LGR5: variants seen among roughly 807,000 people sequenced by gnomAD.
The protein encoded by LGR5 is leucine rich repeat containing G protein-coupled receptor 5, also known as leucine-rich repeat-containing G protein-coupled receptor 5.
A neutral mutation model predicts 76.7 loss-of-function variants in LGR5; 54 were observed. The observed-to-expected ratio is 0.70, with a 90% confidence interval of 0.57 to 0.88. LGR5 has a LOEUF of 0.88. Ranked by LOEUF, LGR5 falls within the 40% of genes least tolerant of loss-of-function variation. The probability of loss-of-function intolerance (pLI) is 0.00; values close to 1 mark genes in which losing one functional copy is unlikely to be tolerated. For synonymous variants in LGR5, 406 were observed against 421.9 expected, an observed-to-expected ratio of 0.96 and a Z score of 0.46; for missense variants, 1,078 against 1,073.3, an observed-to-expected ratio of 1.00 and a Z score of -0.06.
At chr12:71,542,910 T>G (rs1057324431) in intron 4 of LGR5, among the ~76,000 whole-genome samples, 1 of 152,112 alleles carries the variant, frequency 6.6e-6, no homozygotes, top group Admixed American at 6.5e-5. Flanking sequence ...TCCCCAACCA[T>G]GCATTCCTCT....
At chr12:71,468,432 A>G (rs1009284028) in intron 1 of LGR5, among the ~76,000 whole-genome samples, 1 of 152,226 alleles carries the variant, frequency 6.6e-6, no homozygotes, top group South Asian at 2.1e-4. Context: ...AGAAATGACT[A>G]TGTACCCAAG....
At chr12:71,536,839 G>A (rs1284448156) in intron 4 of LGR5, among the ~76,000 whole-genome samples, 2 of 152,204 alleles carry the variant, frequency 1.3e-5, no homozygotes, top group African/African-American at 4.8e-5. Context: ...GTTTCTTACA[G>A]TCTAGATATT....
chr12:71,554,788 C>T (rs563775436), intron 5 of LGR5, among the ~76,000 whole-genome samples: 59 of 152,256 alleles, frequency 3.9e-4, no homozygotes, highest in Non-Finnish European at 7.4e-4. Flanking sequence ...TTTTTTCCCA[C>T]CATATGTCTA....
chr12:71,535,726 T>C (rs2137368655), intron 4 of LGR5, among the ~76,000 whole-genome samples: 1 of 152,286 alleles, frequency 6.6e-6, no homozygotes, highest in East Asian at 1.9e-4. Context: ...AACACAGATG[T>C]GCAGACATGG....
chr12:71,556,962 G>T (rs898911317), intron 6 of LGR5, among the ~76,000 whole-genome samples: 6 of 152,182 alleles, frequency 3.9e-5, no homozygotes, highest in African/African-American at 1.4e-4. Context: ...TATTTGCTTA[G>T]AAATGTGTAG....
At chr12:71,460,692 C>T (rs1872652994) in intron 1 of LGR5, among the ~76,000 whole-genome samples, 1 of 152,100 alleles carries the variant, frequency 6.6e-6, no homozygotes, top group Non-Finnish European at 1.5e-5. Flanking sequence ...AAAGTGGAGG[C>T]AGAATCAGAC....
At chr12:71,561,747 A>G (rs1197890160) in intron 7 of LGR5, 34 bp from the exon 8 acceptor site, 2 of 1,369,754 alleles carry the variant, frequency 1.5e-6, no homozygotes, top group Non-Finnish European at 2.0e-6. Flanking sequence ...TTTACCCCAC[A>G]CAGGATTTTT....
intron 2 of LGR5, among the ~76,000 whole-genome samples, chr12:71,514,344 G>A (rs180782242): frequency 0.02 from 3,028 of 152,022 alleles, 120 homozygotes; most frequent in African/African-American, 0.07. Flanking sequence ...CGAGGCAGGT[G>A]GATCACGAGG....
intron 6 of LGR5, among the ~76,000 whole-genome samples, chr12:71,557,539 C>G (rs117972269): frequency 0.026 from 3,893 of 152,222 alleles, 70 homozygotes; most frequent in Middle Eastern, 0.034. Context: ...CATACTACTT[C>G]CAAAGAATAA....
intron 2 of LGR5, among the ~76,000 whole-genome samples, chr12:71,522,051 G>T (rs1175450977): frequency 6.6e-6 from 1 of 152,128 alleles, no homozygotes; most frequent in Non-Finnish European, 1.5e-5. Context: ...TGAAAGGAGA[G>T]CATTTTAGGT....
At chr12:71,550,663 C>T (rs966883644) in intron 4 of LGR5, among the ~76,000 whole-genome samples, 6 of 151,674 alleles carry the variant, frequency 4.0e-5, no homozygotes, top group Non-Finnish European at 7.4e-5. Flanking sequence ...GGGGTTTCTC[C>T]ATGTTGGCCA....
chr12:71,519,247 G>A (rs1875604014), intron 2 of LGR5, among the ~76,000 whole-genome samples: 1 of 152,158 alleles, frequency 6.6e-6, no homozygotes, highest in African/African-American at 2.4e-5. Context: ...CCTGCATGGT[G>A]CAGGCATCTG....
At chr12:71,468,478 T>A (rs964686099) in intron 1 of LGR5, among the ~76,000 whole-genome samples, 1 of 152,192 alleles carries the variant, frequency 6.6e-6, no homozygotes, top group African/African-American at 2.4e-5. Context: ...AATGAGCCTT[T>A]TAATCAAGGC....
In LGR5 at chr12:71,512,615, A is replaced by G. The variant is rs577867781; in HGVS notation, c.284+7930A>G. On this transcript the variant is annotated intron_variant, in intron 2 of 17. Transcript: ENST00000266674. ...ATATATGAAAGCACCCCAACAGACAAAGGCAGTCAGGGACTCATCAGTTGG... is the reference window on the plus strand; with the variant it reads ...ATATATGAAAGCACCCCAACAGACAGAGGCAGTCAGGGACTCATCAGTTGG... Among the ~76,000 whole-genome samples, 16 of 152,306 alleles carry G rather than the reference A, an allele frequency of 1.1e-4. No homozygotes were observed. The East Asian group carries it at 3.1e-3, about 29-fold the overall frequency.
At chr12:71,489,634 G>A (rs955651839) in intron 1 of LGR5, among the ~76,000 whole-genome samples, 21 of 152,176 alleles carry the variant, frequency 1.4e-4, no homozygotes, top group Admixed American at 6.5e-5. Context: ...CATCAGGGCA[G>A]TAGAAGAGCC....
At chr12:71,517,286 A>G (rs950352376) in intron 2 of LGR5, among the ~76,000 whole-genome samples, 3 of 152,226 alleles carry the variant, frequency 2.0e-5, no homozygotes, top group African/African-American at 7.2e-5. Context: ...TAGCCCAGCA[A>G]ACAGCCAATA....
chr12:71,467,150 A>T (rs1052312461), intron 1 of LGR5, among the ~76,000 whole-genome samples: 1 of 152,188 alleles, frequency 6.6e-6, no homozygotes, highest in Admixed American at 6.5e-5. Context: ...GGAATTTTCC[A>T]AGGTCACAAA....
intron 1 of LGR5, among the ~76,000 whole-genome samples, chr12:71,487,936 T>C (rs1873905873): frequency 6.6e-6 from 1 of 151,002 alleles, no homozygotes; most frequent in African/African-American, 2.5e-5. Context: ...TTTTCTTTAA[T>C]AGCTTCTTTC....
intron 1 of LGR5, among the ~76,000 whole-genome samples, chr12:71,467,616 G>T (rs1872918114): frequency 6.6e-6 from 1 of 152,162 alleles, no homozygotes; most frequent in Non-Finnish European, 1.5e-5. Context: ...TGTAACTTCA[G>T]TAATAATTAG....
Sources: gnomAD v4.1 joint callset for allele counts (sites outside exome capture counted in the v4.1 genomes callset) on GRCh38, gnomAD v4.1.1 for gene constraint, MANE v1.5 for transcripts, NCBI Gene and HGNC (gene_info 2026-07-23, HGNC 2026-07-21) for gene names.